Variants in NHEJ1 observed in about 807,000 individuals in gnomAD.
NHEJ1 encodes the protein non-homologous end joining factor 1.
Under a neutral mutation model 39.4 loss-of-function variants are expected in NHEJ1, and 22 were observed. The ratio of observed to expected loss-of-function variants is 0.56; its 90% CI spans 0.40 to 0.80. NHEJ1 has a LOEUF of 0.80. Ranked by LOEUF, NHEJ1 falls within the 30% of genes least tolerant of loss-of-function variation. The pLI, the probability that NHEJ1 is intolerant of heterozygous loss-of-function variation, is 0.00. For missense variants in NHEJ1, 329 were observed against 357.1 expected (o/e 0.92, Z 0.63); for synonymous variants, 154 against 135.6 (o/e 1.14, Z -0.94).
At chr2:219,108,972 A>G (rs1949338678) in intron 5 of NHEJ1, among the ~76,000 whole-genome samples, 1 of 152,190 alleles carries the variant, frequency 6.6e-6, no homozygotes, top group African/African-American at 2.4e-5. Context: ...ATCCCAATTA[A>G]ACTTAACCAC....
intron 5 of NHEJ1, among the ~76,000 whole-genome samples, chr2:219,100,586 G>T (rs1574711618): frequency 6.6e-6 from 1 of 150,802 alleles, no homozygotes; most frequent in Non-Finnish European, 1.5e-5. Context: ...ACTCCAGCCT[G>T]GGCGACAGAA....
intron 5 of NHEJ1, among the ~76,000 whole-genome samples, chr2:219,140,038 C>T (rs1479947452): frequency 2.6e-5 from 4 of 152,186 alleles, no homozygotes; most frequent in Non-Finnish European, 5.9e-5. Flanking sequence ...ATAACTAATA[C>T]AGACTTTAAG....
rs545210068 is a variant in NHEJ1, at chr2:219,075,620, T to C, written c.*761A>G. The C allele has an allele frequency of 4.6e-5, 7 of 152,288 alleles. No individual in the cohort carries two copies. The East Asian group carries it at 5.8e-4, about 13-fold the overall frequency. 9.4% of individuals were successfully genotyped at this position (152,288 alleles called of 1,614,324 possible). A position where few individuals can be genotyped will look rare whatever the true frequency, so the allele number is the denominator to read the frequency against. On this transcript the variant is annotated 3_prime_UTR_variant, in exon 8 of 8. Transcript: ENST00000356853. Reference sequence around the variant, plus strand: ...TACAAAAATTAGCTAGGTGTGGTGGTGTGTGCCTTTAGTCCCAGTTATGCA... The same window carrying C: ...TACAAAAATTAGCTAGGTGTGGTGGCGTGTGCCTTTAGTCCCAGTTATGCA...
chr2:219,143,889 C>A (rs1351681455), intron 5 of NHEJ1, among the ~76,000 whole-genome samples: 1 of 152,140 alleles, frequency 6.6e-6, no homozygotes, highest in Non-Finnish European at 1.5e-5. Flanking sequence ...TAACTGAAGA[C>A]CCCAAATATA....
intron 1 of NHEJ1, among the ~76,000 whole-genome samples, chr2:219,158,572 GTT>G (rs951031365): frequency 6.7e-6 from 1 of 149,174 alleles, no homozygotes; most frequent in Non-Finnish European, 1.5e-5. Flanking sequence ...AATCTTGAGG[GTT>G]TTTTTTTTCC....
intron 5 of NHEJ1, among the ~76,000 whole-genome samples, chr2:219,089,683 T>C (rs1424732659): frequency 2.0e-5 from 3 of 152,252 alleles, no homozygotes; most frequent in African/African-American, 7.2e-5. Context: ...ACCTTGTGAA[T>C]ACACTAAAAC....
chr2:219,112,518 T>C (rs774176888), intron 5 of NHEJ1, among the ~76,000 whole-genome samples: 4 of 152,178 alleles, frequency 2.6e-5, no homozygotes, highest in African/African-American at 7.2e-5. Flanking sequence ...AAAGGAGAGC[T>C]TGACCTTGCC....
At chr2:219,087,203 A>T (rs569144585) in intron 5 of NHEJ1, among the ~76,000 whole-genome samples, 1 of 152,336 alleles carries the variant, frequency 6.6e-6, no homozygotes, top group South Asian at 2.1e-4. Context: ...TCTCAAATTC[A>T]GCCACCTCAA....
At chr2:219,080,641 T>TTA (rs1166884579) in intron 5 of NHEJ1, among the ~76,000 whole-genome samples, 1 of 104,938 alleles carries the variant, frequency 9.5e-6, no homozygotes, top group Non-Finnish European at 1.9e-5. Flanking sequence ...ATATATAAGC[T>TTA]TATATATATG....
At position 219,075,152 on chromosome 2, in the gene NHEJ1, G is replaced by C. The variant is rs1004505884; in HGVS notation, c.*1229C>G. 6.6e-6 allele frequency among the ~76,000 whole-genome samples: 1 copy of C among 152,122 alleles called. No individual in the cohort carries two copies. The highest frequency in any genetic ancestry group is 2.4e-5 in the African/African-American group (1 of 41,400). On this transcript the variant is annotated 3_prime_UTR_variant, in exon 8 of 8. Coordinates refer to ENST00000356853, the MANE Select transcript of NHEJ1 (RefSeq NM_024782.3). ...CTCAGCTGTCTGGGCTTAAATTCTG[G>C]CTGTCACTTATTAGCTGTATGACCT...
chr2:219,072,891 A>G lies in NHEJ1; in HGVS notation c.*3490T>C, dbSNP rs1237229487. ...CAATGTAAGGAACGAAACCAGGAGG[A>G]GCAGCACAGCCTTTTCCATTCCCCA... On this transcript the variant is annotated 3_prime_UTR_variant, in exon 8 of 8. Transcript: ENST00000356853. Among the ~76,000 whole-genome samples, 1 of 152,326 alleles carries G rather than the reference A, an allele frequency of 6.6e-6. No individual in the cohort carries two copies. Among genetic ancestry groups the G allele is most frequent in the East Asian group, 1.9e-4 (1 of 5,178 alleles).
chr2:219,085,619 C>CA (rs1949104819), intron 5 of NHEJ1, among the ~76,000 whole-genome samples: 1 of 152,174 alleles, frequency 6.6e-6, no homozygotes, highest in African/African-American at 2.4e-5. Context: ...CCTGAGCATC[C>CA]ACTCAGTGCT....
At chr2:219,145,044 G>A (rs1161246027) in intron 5 of NHEJ1, among the ~76,000 whole-genome samples, 3 of 152,050 alleles carry the variant, frequency 2.0e-5, no homozygotes, top group Admixed American at 6.6e-5. Flanking sequence ...GCGAAACCCC[G>A]TTTCTACTAA....
chr2:219,072,564 G>A lies in NHEJ1; in HGVS notation c.*3817C>T, dbSNP rs1948971456. Reference sequence around the variant, plus strand: ...ACCTAGTTGACATAAAATTATATTTGTTAATGGTATAATATCCCTGAAGTG... The same window carrying A: ...ACCTAGTTGACATAAAATTATATTTATTAATGGTATAATATCCCTGAAGTG... On this transcript the variant is annotated 3_prime_UTR_variant, in exon 8 of 8. Transcript: ENST00000356853. 6.6e-6 allele frequency among the ~76,000 whole-genome samples: 1 copy of A among 151,232 alleles called. No homozygotes were observed. Among genetic ancestry groups the A allele is most frequent in the Non-Finnish European group, 1.5e-5 (1 of 68,024 alleles).
chr2:219,150,480 A>G (rs1949784396), intron 3 of NHEJ1, among the ~76,000 whole-genome samples: 1 of 152,136 alleles, frequency 6.6e-6, no homozygotes, highest in African/African-American at 2.4e-5. Context: ...GGAAAAATTT[A>G]TCTGCTCTAC....
intron 5 of NHEJ1, among the ~76,000 whole-genome samples, chr2:219,119,627 G>A (rs1045972347): frequency 3.3e-5 from 5 of 151,950 alleles, no homozygotes; most frequent in South Asian, 2.1e-4. Context: ...ATGTTTTGGC[G>A]CCACCTGCTG....
intron 3 of NHEJ1, among the ~76,000 whole-genome samples, chr2:219,153,092 T>C (rs563813257): frequency 2.6e-5 from 4 of 152,312 alleles, no homozygotes; most frequent in Non-Finnish European, 5.9e-5. Flanking sequence ...TGTGAGCCAC[T>C]GTGCCTGGCC....
rs1262630822 is a variant in NHEJ1, at chr2:219,074,646, G to A, written c.*1735C>T. On this transcript the variant is annotated 3_prime_UTR_variant, in exon 8 of 8. Transcript: ENST00000356853. ...AATCCCAGCTACTCGGGAGGCTGAG[G>A]CAGGAGAATCACTTGAACACAGGAG... Among the ~76,000 whole-genome samples, 1 of 151,886 alleles carries A rather than the reference G, an allele frequency of 6.6e-6. No individual in the cohort carries two copies. Among genetic ancestry groups the A allele is most frequent in the Non-Finnish European group, 1.5e-5 (1 of 67,994 alleles).
intron 5 of NHEJ1, among the ~76,000 whole-genome samples, chr2:219,122,679 A>T (rs1244856010): frequency 1.3e-5 from 2 of 152,180 alleles, no homozygotes; most frequent in Non-Finnish European, 2.9e-5. Flanking sequence ...GACTCCAGGA[A>T]ATAGGGTTAG....
Sources: allele counts gnomAD v4.1 joint callset (sites outside exome capture counted in the v4.1 genomes callset), GRCh38; gene constraint gnomAD v4.1.1; transcripts MANE v1.5; gene names NCBI Gene and HGNC (gene_info 2026-07-23, HGNC 2026-07-21).